The following GNAQ variants were observed in gnomAD, a reference collection of about 807,000 sequenced individuals.
The protein encoded by GNAQ is G protein subunit alpha q, also known as guanine nucleotide-binding protein G(q) subunit alpha.
A neutral mutation model predicts 43.9 loss-of-function variants in GNAQ; 8 were observed. The ratio of observed to expected loss-of-function variants is 0.18; its 90% CI spans 0.11 to 0.33. GNAQ has a LOEUF of 0.33. Ranked by LOEUF, GNAQ falls within the 10% of genes least tolerant of loss-of-function variation. GNAQ has a pLI of 1.00. For synonymous variants in GNAQ, 155 were observed against 170.7 expected (o/e 0.91, Z 0.71); for missense variants, 158 against 450.8 (o/e 0.35, Z 5.88).
At chr9:77,936,223 G>A (rs969279329) in intron 1 of GNAQ, among the ~76,000 whole-genome samples, 1 of 152,098 alleles carries the variant, frequency 6.6e-6, no homozygotes, top group Non-Finnish European at 1.5e-5. Flanking sequence ...CCCATGAAGT[G>A]ATCCAAGAAG....
At chr9:77,927,618 G>A (rs1356103504) in intron 1 of GNAQ, among the ~76,000 whole-genome samples, 1 of 151,792 alleles carries the variant, frequency 6.6e-6, no homozygotes, top group Non-Finnish European at 1.5e-5. Context: ...CCTTACCAGG[G>A]CCTCTCACAG....
chr9:77,795,489 A>G (rs1048715552), intron 4 of GNAQ, among the ~76,000 whole-genome samples: 2 of 152,190 alleles, frequency 1.3e-5, no homozygotes, highest in Admixed American at 1.3e-4. Flanking sequence ...TTTAGGTACA[A>G]AAATTTGAAA....
At chr9:77,884,420 CA>C (rs1401796304) in intron 2 of GNAQ, among the ~76,000 whole-genome samples, 7 of 152,096 alleles carry the variant, frequency 4.6e-5, no homozygotes, top group African/African-American at 1.7e-4. Flanking sequence ...ATTAGGAAAC[CA>C]AAAGAAGGCT....
Position 78,024,839 on chromosome 9 carries a change from T to TA in GNAQ, c.136+6260dup, listed in dbSNP as rs960502599. Among the ~76,000 whole-genome samples, 51 of 148,264 alleles carry TA rather than the reference T, an allele frequency of 3.4e-4. 2 individuals are homozygous for TA. The South Asian group carries it at 6.4e-3, about 19-fold the overall frequency. On this transcript the variant is annotated intron_variant, in intron 1 of 6. Coordinates refer to ENST00000286548, the MANE Select transcript of GNAQ (RefSeq NM_002072.5). ...TGTTCCTTCTTAAGTTATGCCTGGT[T>TA]AAAAAAAAAAATTAGAGGAAATATT...
At chr9:77,747,934 T>C (rs1825754804) in intron 5 of GNAQ, among the ~76,000 whole-genome samples, 1 of 152,198 alleles carries the variant, frequency 6.6e-6, no homozygotes, top group Non-Finnish European at 1.5e-5. Flanking sequence ...GGTTTTTCTA[T>C]TAAGCCATGT....
chr9:78,020,310 C>G (rs1255140444), intron 1 of GNAQ, among the ~76,000 whole-genome samples: 1 of 152,038 alleles, frequency 6.6e-6, no homozygotes, highest in Non-Finnish European at 1.5e-5. Flanking sequence ...TTTCTATCAC[C>G]TGAAACAGCT....
At chr9:77,958,551 T>C (rs1823070505) in intron 1 of GNAQ, among the ~76,000 whole-genome samples, 1 of 152,254 alleles carries the variant, frequency 6.6e-6, no homozygotes, top group Admixed American at 6.5e-5. Flanking sequence ...AGAATTGTTA[T>C]ACATAAAACT....
intron 2 of GNAQ, among the ~76,000 whole-genome samples, chr9:77,857,146 A>C (rs1020054711): frequency 6.6e-6 from 1 of 152,218 alleles, no homozygotes; most frequent in Non-Finnish European, 1.5e-5. Context: ...CAAACCTGTC[A>C]AGGCTCAAGT....
At chr9:77,741,088 ATG>A (rs1199207184) in intron 5 of GNAQ, among the ~76,000 whole-genome samples, 1 of 152,216 alleles carries the variant, frequency 6.6e-6, no homozygotes, top group East Asian at 1.9e-4. Flanking sequence ...CCATTTTAAA[ATG>A]TAAAAGCCAA....
At chr9:77,909,630 T>C (rs1249721696) in intron 2 of GNAQ, among the ~76,000 whole-genome samples, 1 of 151,792 alleles carries the variant, frequency 6.6e-6, no homozygotes, top group East Asian at 1.9e-4. Context: ...CATTTCTTGA[T>C]ATATGCCAGT....
At chr9:77,933,903 G>A (rs1007167726) in intron 1 of GNAQ, among the ~76,000 whole-genome samples, 14 of 152,014 alleles carry the variant, frequency 9.2e-5, no homozygotes, top group East Asian at 5.8e-4. Context: ...AAAATGCAGC[G>A]GCTGGGAAAT....
chr9:77,899,335 G>A (rs1462402230), intron 2 of GNAQ, among the ~76,000 whole-genome samples: 5 of 151,896 alleles, frequency 3.3e-5, no homozygotes, highest in African/African-American at 1.2e-4. Context: ...GGTCACAAGC[G>A]ATCCACCTGC....
At chr9:77,859,713 G>A (rs979334258) in intron 2 of GNAQ, among the ~76,000 whole-genome samples, 3 of 152,180 alleles carry the variant, frequency 2.0e-5, no homozygotes, top group Non-Finnish European at 4.4e-5. Flanking sequence ...CATAACAGCA[G>A]CTTTTCAATG....
chr9:78,029,304 C>A (rs1180648940), intron 1 of GNAQ, among the ~76,000 whole-genome samples: 1 of 151,826 alleles, frequency 6.6e-6, no homozygotes, highest in Non-Finnish European at 1.5e-5. Flanking sequence ...AAAAAAAAAA[C>A]ACAATTCTTA....
At chr9:77,731,305 TGGA>T (rs1825484492) in intron 5 of GNAQ, among the ~76,000 whole-genome samples, 4 of 152,190 alleles carry the variant, frequency 2.6e-5, no homozygotes, top group Admixed American at 2.6e-4. Flanking sequence ...ATTTCCAGAC[TGGA>T]CTGGAGCCCG....
chr9:77,830,415 G>A (rs1020630624), intron 2 of GNAQ, among the ~76,000 whole-genome samples: 4 of 152,152 alleles, frequency 2.6e-5, no homozygotes, highest in African/African-American at 7.2e-5. Context: ...CATATTTAAT[G>A]CATGGAGTAA....
chr9:77,807,798 T>A (rs912132304), intron 3 of GNAQ, among the ~76,000 whole-genome samples: 1 of 152,186 alleles, frequency 6.6e-6, no homozygotes, highest in African/African-American at 2.4e-5. Context: ...AATTTGTGTG[T>A]GTGTGAGAAT....
chr9:77,815,363 C>A (rs541354446), intron 3 of GNAQ, among the ~76,000 whole-genome samples: 1 of 152,082 alleles, frequency 6.6e-6, no homozygotes, highest in East Asian at 1.9e-4. Flanking sequence ...AAATCAGATT[C>A]CTAGAGTCTT....
chr9:77,971,944 ACT>A (rs1411286143), intron 1 of GNAQ, among the ~76,000 whole-genome samples: 8 of 151,586 alleles, frequency 5.3e-5, no homozygotes, highest in South Asian at 4.2e-4. Flanking sequence ...TCATGACTTG[ACT>A]CTCTGTTTGT....
Sources: gnomAD v4.1 joint callset for allele counts (sites outside exome capture counted in the v4.1 genomes callset) on GRCh38, gnomAD v4.1.1 for gene constraint, MANE v1.5 for transcripts, NCBI Gene and HGNC (gene_info 2026-07-23, HGNC 2026-07-21) for gene names.